The following DBNDD2 variants were observed in gnomAD, a reference collection of about 807,000 sequenced individuals.
DBNDD2 encodes dysbindin domain-containing protein 2.
Under a neutral mutation model 14.0 loss-of-function variants are expected in DBNDD2, and 8 were observed. The observed-to-expected ratio is 0.57, with a 90% CI of 0.33 to 1.03. DBNDD2 has a LOEUF of 1.03. DBNDD2 is among the 50% of genes least tolerant of loss of function. The pLI is 0.03. For synonymous variants in DBNDD2, 94 were observed against 85.3 expected, an observed-to-expected ratio of 1.10 and a Z score of -0.56; for missense variants, 194 against 206.0, an observed-to-expected ratio of 0.94 and a Z score of 0.36.
At position 45,410,311 on chromosome 20, in the gene DBNDD2, A is replaced by G. The variant is rs1989777459; in HGVS notation, c.*171A>G. ...CTAAGAATTAACCCTCTCCTGCTTT[A>G]CTGCTAATTTTTTCCTGCTGCAACC... On this transcript the variant is annotated 3_prime_UTR_variant, in exon 3 of 3. Transcript: ENST00000372710. 1.3e-6 allele frequency: 1 copy of G among 779,342 alleles called. No individual in the cohort carries two copies. The highest frequency in any genetic ancestry group is 2.9e-5 in the Admixed American group (1 of 34,288). 48.3% of individuals were successfully genotyped at this position (779,342 alleles called of 1,614,324 possible).
At chr20:45,406,075 G>A (rs533314759), upstream of DBNDD2, 386 of 188,338 alleles carry the variant, frequency 2.0e-3, 1 homozygote, top group African/African-American at 8.4e-3. Flanking sequence ...AGGGGCAGCC[G>A]GGCGAGTCCC....
chr20:45,406,384 G>C, upstream of DBNDD2: 4 of 1,409,482 alleles, frequency 2.8e-6, no homozygotes, highest in Non-Finnish European at 3.8e-6. Flanking sequence ...CGAGCGAGCG[G>C]AGACTAGCGC....
Position 45,410,011 on chromosome 20 carries a change from C to T in DBNDD2, c.357C>T (p.Ser119=), listed in dbSNP as rs1361517684. 5.3e-5 allele frequency: 83 copies of T among 1,551,836 alleles called. No individual in the cohort carries two copies. The highest frequency in any genetic ancestry group is 7.2e-5 in the Non-Finnish European group (83 of 1,147,130). The change falls in exon 3 of 3, where the codon TCC becomes TCT. Residue 119 remains serine, a synonymous_variant. Coordinates refer to ENST00000372710, the MANE Select transcript of DBNDD2 (RefSeq NM_001048225.4). ...CCACATCTAGGACCTCCTCCTCCTC[C>T]TCCTCCGACTCCTCCACCAACCTGC... ...DRTTSRTSSS[S]SSDSSTNLHS... is the part of the protein sequence containing the mutation.
intron 1 of DBNDD2, 67 bp downstream of exon 1, chr20:45,408,673 C>T: frequency 6.3e-7 from 1 of 1,585,184 alleles, no homozygotes; most frequent in Non-Finnish European, 8.6e-7. Context: ...GGTCCTGAAT[C>T]TTGTGGCACT....
chr20:45,409,833 C>A, intron 2 of DBNDD2, 99 bp from the exon 3 acceptor site: 1 of 1,276,570 alleles, frequency 7.8e-7, no homozygotes. Flanking sequence ...TTGGACAAGT[C>A]TCTGCCCCAC....
chr20:45,406,423 A>G, upstream of DBNDD2: 1 of 1,515,046 alleles, frequency 6.6e-7, no homozygotes, highest in South Asian at 1.2e-5. Context: ...GGTGGTGCAG[A>G]GGAGTCCGGC....
At chr20:45,406,559 C>T, upstream of DBNDD2, 2 of 1,499,960 alleles carry the variant, frequency 1.3e-6, no homozygotes, top group Non-Finnish European at 1.8e-6. Flanking sequence ...CGCCACCGCC[C>T]CTCCCCCACT....
chr20:45,406,531 G>C, upstream of DBNDD2: 1 of 1,520,148 alleles, frequency 6.6e-7, no homozygotes, highest in Non-Finnish European at 8.8e-7. Flanking sequence ...CGCCGGGCGA[G>C]CTGCGAGCGA....
At chr20:45,409,877 T>TG in intron 2 of DBNDD2, 55 bp from the exon 3 acceptor site, 1 of 1,536,210 alleles carries the variant, frequency 6.5e-7, no homozygotes, top group Middle Eastern at 1.7e-4. Context: ...CAGATAATCT[T>TG]TAAGAGTTCT....
chr20:45,406,618 C>A (rs1989410796), upstream of DBNDD2: 4 of 1,406,498 alleles, frequency 2.8e-6, no homozygotes, highest in Non-Finnish European at 1.8e-6. Flanking sequence ...CCCGTCGGTC[C>A]CCCGGGAGCC....
At position 45,408,653 on chromosome 20, in the gene DBNDD2, A is replaced by T. The variant is rs901476091; in HGVS notation, c.139+47A>T. 3.1e-6 allele frequency: 5 copies of T among 1,596,784 alleles called. No individual in the cohort carries two copies. In the African/African-American group the frequency reaches 6.7e-5, roughly 21 times the overall value. Reference sequence around the variant, plus strand: ...GAGGGACTGGGGTAGGGTAGGGAGGATGTCCTGTGGGTCCTGAATCTTGTG... The same window carrying T: ...GAGGGACTGGGGTAGGGTAGGGAGGTTGTCCTGTGGGTCCTGAATCTTGTG... On this transcript the variant is annotated intron_variant, in intron 1 of 2. Coordinates refer to ENST00000372710, the MANE Select transcript of DBNDD2 (RefSeq NM_001048225.4).
upstream of DBNDD2, chr20:45,406,328 G>C: frequency 1.1e-6 from 1 of 875,018 alleles, no homozygotes; most frequent in Non-Finnish European, 1.7e-6. Context: ...ACCGGCGCGG[G>C]CGCCCGCCGC....
chr20:45,406,570 TCCGCCTC>T (rs1467371665), upstream of DBNDD2: 1 of 1,479,524 alleles, frequency 6.8e-7, no homozygotes, highest in Admixed American at 2.3e-5. Context: ...CTCCCCCACT[TCCGCCTC>T]CCGCCTCTTC....
chr20:45,409,588 C>G (rs567705000), intron 2 of DBNDD2, among the ~76,000 whole-genome samples: 4 of 152,268 alleles, frequency 2.6e-5, no homozygotes, highest in South Asian at 2.1e-4. Flanking sequence ...TTCCCAAAAC[C>G]CTTTGGGGAT....
upstream of DBNDD2, chr20:45,407,189 A>C: frequency 1.1e-4 from 42 of 394,592 alleles, no homozygotes; most frequent in Non-Finnish European, 1.3e-4. Context: ...CACAGGCTCC[A>C]GGGGCCCTGG....
chr20:45,409,267 T>C (rs1989696480), intron 2 of DBNDD2, among the ~76,000 whole-genome samples: 1 of 152,258 alleles, frequency 6.6e-6, no homozygotes, highest in Non-Finnish European at 1.5e-5. Flanking sequence ...TTAGTCATTA[T>C]AATGATATTA....
chr20:45,410,116 G>T lies in DBNDD2; in HGVS notation c.462G>T (p.Gly154=). 6.4e-7 allele frequency: 1 copy of T among 1,552,158 alleles called. No homozygotes were observed. Among genetic ancestry groups the T allele is most frequent in the Non-Finnish European group, 8.7e-7 (1 of 1,147,240 alleles). ...AAGAGGAGGAAAGGGGTGATGGAGG[G>T]GCAGAGCCTGGAGCCTGCAGCTAGC... The part of the protein sequence containing the change: ...SDEEEERGDG[G]AEPGACS The change falls in exon 3 of 3, where the codon GGG becomes GGT. Residue 154 remains glycine (G), a synonymous_variant. Coordinates refer to ENST00000372710, the MANE Select transcript of DBNDD2 (RefSeq NM_001048225.4).
Position 45,408,473 on chromosome 20 carries a change from C to G in DBNDD2, c.6C>G (p.Asp2Glu). The part of the protein sequence containing the change: M[D>E]PNPRAALERQ... ...CTCTACCCGCAGGAGCTGACATGGA[C>G]CCAAATCCTCGGGCCGCCCTGGAGC... Residue 2 changes from aspartate to glutamate, a missense_variant, in exon 1 of 3, where the codon GAC (aspartate) becomes GAG (glutamate). Coordinates refer to ENST00000372710, the MANE Select transcript of DBNDD2 (RefSeq NM_001048225.4). 6.2e-7 allele frequency: 1 copy of G among 1,614,270 alleles called. No individual in the cohort carries two copies. Among genetic ancestry groups the G allele is most frequent in the Non-Finnish European group, 8.5e-7 (1 of 1,180,052 alleles).
At chr20:45,407,000 C>A (rs1041136367), upstream of DBNDD2, among the ~76,000 whole-genome samples, 4 of 152,094 alleles carry the variant, frequency 2.6e-5, no homozygotes, top group African/African-American at 9.7e-5. Context: ...ACCTATAGGT[C>A]GCGTAAACAA....
Sources: allele counts gnomAD v4.1 joint callset (sites outside exome capture counted in the v4.1 genomes callset), GRCh38; gene constraint gnomAD v4.1.1; transcripts MANE v1.5; gene names NCBI Gene and HGNC (gene_info 2026-07-23, HGNC 2026-07-21).